COBL: variants seen among roughly 807,000 people sequenced by gnomAD.
COBL encodes protein cordon-bleu.
Under a neutral mutation model 98.8 loss-of-function variants are expected in COBL, and 51 were observed. The observed-to-expected ratio is 0.52, with a 90% CI of 0.41 to 0.65. The LOEUF is 0.65. Ranked by LOEUF, COBL falls within the 30% of genes least tolerant of loss-of-function variation. The pLI, the probability that COBL is intolerant of heterozygous loss-of-function variation, is 0.00. For missense variants in COBL, 1,617 were observed against 1,617.5 expected (o/e 1.00, Z 0.01); for synonymous variants, 634 against 651.7 (o/e 0.97, Z 0.41).
At chr7:51,277,511 T>C (rs1460180466) in intron 1 of COBL, among the ~76,000 whole-genome samples, 6 of 152,192 alleles carry the variant, frequency 3.9e-5, no homozygotes, top group East Asian at 3.8e-4. Flanking sequence ...CACACAGTGG[T>C]AATCTCTCTC....
chr7:51,138,888 T>C (rs753719996), intron 5 of COBL, among the ~76,000 whole-genome samples: 7 of 152,316 alleles, frequency 4.6e-5, no homozygotes, highest in Non-Finnish European at 1.0e-4. Flanking sequence ...TGTCTAGACA[T>C]GGAACTCCCA....
intron 1 of COBL, among the ~76,000 whole-genome samples, chr7:51,303,929 C>T (rs1802231033): frequency 6.6e-6 from 1 of 152,180 alleles, no homozygotes; most frequent in Non-Finnish European, 1.5e-5. Flanking sequence ...TGACTGCATG[C>T]ACACCAACAC....
intron 6 of COBL, among the ~76,000 whole-genome samples, chr7:51,095,759 T>C (rs1247864055): frequency 1.3e-5 from 2 of 152,068 alleles, no homozygotes; most frequent in Non-Finnish European, 2.9e-5. Flanking sequence ...TCAAATAAGA[T>C]AGACTTCAAG....
At chr7:51,155,500 G>A (rs552204034) in intron 5 of COBL, among the ~76,000 whole-genome samples, 1 of 135,926 alleles carries the variant, frequency 7.4e-6, no homozygotes, top group South Asian at 2.4e-4. Context: ...TGAGGCAGGA[G>A]AATCATTTGA....
chr7:51,068,669 AGAG>A (rs940614927), intron 7 of COBL, among the ~76,000 whole-genome samples: 4 of 152,196 alleles, frequency 2.6e-5, no homozygotes, highest in African/African-American at 9.6e-5. Flanking sequence ...GGTGTATACA[AGAG>A]TCGAAACTGA....
rs1429734083 is a variant in COBL, at chr7:51,043,527, G to C, written c.1262C>G (p.Ser421Trp). ...TTTGTATTTCATGCTGTCCTGCTGC[G>C]AGTCCAGAGAGACGATGTCTGAGGG... is the stretch of plus-strand genomic sequence containing the variant. ...SSPSDIVSLD[S>W]QQDSMKYKDK... Residue 421 changes from serine (S) to tryptophan (W), a missense_variant, in exon 8 of 13, where the codon TCG becomes TGG. This residue lies in a region of COBL where 1,304 missense variants were observed against 1,282.0 expected (regional missense o/e 1.02). Coordinates refer to ENST00000265136, the MANE Select transcript of COBL (RefSeq NM_015198.5). 2.5e-6 allele frequency: 4 copies of C among 1,614,206 alleles called. No homozygotes were observed. Among genetic ancestry groups the C allele is most frequent in the Non-Finnish European group, 3.4e-6 (4 of 1,180,044 alleles).
At chr7:51,065,250 G>A in intron 7 of COBL, 1 of 703,448 alleles carries the variant, frequency 1.4e-6, no homozygotes, top group South Asian at 1.5e-5. Flanking sequence ...ATTCACAAAT[G>A]CTTGAAAGAC....
chr7:51,311,330 A>G (rs967932186), intron 1 of COBL, among the ~76,000 whole-genome samples: 1 of 152,214 alleles, frequency 6.6e-6, no homozygotes, highest in Non-Finnish European at 1.5e-5. Context: ...GGGGAAAGCC[A>G]TCCTTCTCTG....
intron 6 of COBL, among the ~76,000 whole-genome samples, chr7:51,134,907 A>G (rs1403585461): frequency 2.2e-4 from 34 of 152,234 alleles, no homozygotes; most frequent in Non-Finnish European, 4.4e-5. Flanking sequence ...CTAATATATC[A>G]TGAAGAACTC....
chr7:51,030,399 T>C (rs1472591672), intron 9 of COBL, among the ~76,000 whole-genome samples: 1 of 152,224 alleles, frequency 6.6e-6, no homozygotes, highest in Non-Finnish European at 1.5e-5. Flanking sequence ...AGATGCTCCA[T>C]TATAAATGGC....
intron 9 of COBL, among the ~76,000 whole-genome samples, chr7:51,029,981 C>T (rs1440293130): frequency 2.0e-5 from 3 of 152,196 alleles, no homozygotes; most frequent in Admixed American, 1.3e-4. Context: ...CAGAGGACCA[C>T]GGGCTGTAGC....
intron 5 of COBL, among the ~76,000 whole-genome samples, chr7:51,159,762 T>A (rs1786594195): frequency 6.6e-6 from 1 of 152,118 alleles, no homozygotes; most frequent in Non-Finnish European, 1.5e-5. Context: ...AGGATCTATG[T>A]GTATACTACT....
chr7:51,026,478 A>G, intron 11 of COBL, 68 bp downstream of exon 11: 2 of 1,583,990 alleles, frequency 1.3e-6, no homozygotes, highest in Non-Finnish European at 1.7e-6. Flanking sequence ...GCCACCACCC[A>G]AGTGCCTCGG....
At chr7:51,225,209 CT>C (rs1794067133) in intron 1 of COBL, among the ~76,000 whole-genome samples, 1 of 152,180 alleles carries the variant, frequency 6.6e-6, no homozygotes, top group African/African-American at 2.4e-5. Flanking sequence ...AGAATGGCTG[CT>C]ATTTACGTGG....
intron 1 of COBL, among the ~76,000 whole-genome samples, chr7:51,300,291 G>T (rs1584443034): frequency 6.6e-6 from 1 of 152,080 alleles, no homozygotes; most frequent in African/African-American, 2.4e-5. Context: ...CTCCCAAGTA[G>T]CTGAGATTAC....
intron 7 of COBL, among the ~76,000 whole-genome samples, chr7:51,061,786 G>A (rs1225360973): frequency 6.6e-6 from 1 of 152,152 alleles, no homozygotes; most frequent in Non-Finnish European, 1.5e-5. Flanking sequence ...CTTCTCCTGT[G>A]CTTGAGCATC....
intron 7 of COBL, among the ~76,000 whole-genome samples, chr7:51,066,789 GCCACCTCCTTCAT>G (rs1791975986): frequency 6.6e-6 from 1 of 152,154 alleles, no homozygotes; most frequent in Non-Finnish European, 1.5e-5. Context: ...TCAAGCAGAG[GCCACCTCCTTCAT>G]GGCAAGGTGC....
At chr7:51,311,626 A>G (rs991986525) in intron 1 of COBL, among the ~76,000 whole-genome samples, 2 of 152,220 alleles carry the variant, frequency 1.3e-5, no homozygotes, top group Non-Finnish European at 2.9e-5. Flanking sequence ...TAGGCTTCCC[A>G]TCAATTCAGA....
intron 7 of COBL, among the ~76,000 whole-genome samples, chr7:51,078,136 C>T (rs568046558): frequency 5.9e-5 from 9 of 152,312 alleles, no homozygotes; most frequent in South Asian, 4.1e-4. Context: ...ACCCCATCCC[C>T]GTCTGCCAGA....
Sources: gnomAD v4.1 joint callset for allele counts (sites outside exome capture counted in the v4.1 genomes callset) on GRCh38, gnomAD v4.1.1 for gene constraint, gnomAD v4.1.1 regional missense constraint, MANE v1.5 for transcripts, NCBI Gene and HGNC (gene_info 2026-07-23, HGNC 2026-07-21) for gene names.